Variants in MRE11 observed in about 807,000 individuals in gnomAD.
The protein encoded by MRE11 is MRE11 double strand break repair nuclease, also known as double-strand break repair protein MRE11.
Under a neutral mutation model 91.7 loss-of-function variants are expected in MRE11, and 62 were observed. That is an observed-to-expected ratio of 0.68 (90% CI 0.55 to 0.84). The LOEUF (loss-of-function observed/expected upper bound fraction) is 0.84. Ranked by LOEUF, MRE11 falls within the 40% of genes least tolerant of loss-of-function variation. The probability of loss-of-function intolerance (pLI) is 0.00; values close to 1 mark genes in which losing one functional copy is unlikely to be tolerated. For synonymous variants in MRE11, 273 were observed against 271.4 expected (o/e 1.01, Z -0.06); for missense variants, 796 against 852.9 (o/e 0.93, Z 0.83).
At chr11:94,460,466 C>A (rs1208524175) in intron 12 of MRE11, among the ~76,000 whole-genome samples, 2 of 152,114 alleles carry the variant, frequency 1.3e-5, no homozygotes, top group Non-Finnish European at 2.9e-5. Flanking sequence ...GGATTGAGAT[C>A]TTTGTAACAG....
chr11:94,441,726 C>CTTTGGG (rs1945782736), intron 16 of MRE11, among the ~76,000 whole-genome samples: 1 of 152,044 alleles, frequency 6.6e-6, no homozygotes, highest in Non-Finnish European at 1.5e-5. Flanking sequence ...CCTGTAATCC[C>CTTTGGG]AGCACTTTGG....
intron 14 of MRE11, among the ~76,000 whole-genome samples, chr11:94,450,160 C>T (rs972763832): frequency 1.1e-3 from 160 of 152,276 alleles, no homozygotes; most frequent in African/African-American, 3.6e-3. Context: ...ATGTTAAATA[C>T]AGTATCTTTA....
intron 14 of MRE11, among the ~76,000 whole-genome samples, chr11:94,453,653 A>G (rs1946172897): frequency 6.6e-6 from 1 of 152,178 alleles, no homozygotes. Context: ...CCATTGTAAA[A>G]ATTGGGTTTT....
At chr11:94,502,841 T>C in the MRE11 span, among the ~76,000 whole-genome samples, 3 of 152,058 alleles carry the variant, frequency 2.0e-5, no homozygotes, top group African/African-American at 4.8e-5. Flanking sequence ...GCCCAGCTAA[T>C]TTTTTATGTT....
intron 3 of MRE11, among the ~76,000 whole-genome samples, chr11:94,489,409 T>A (rs1034082946): frequency 1.3e-5 from 2 of 152,092 alleles, no homozygotes; most frequent in Admixed American, 6.6e-5. Flanking sequence ...GTAGTTTGAA[T>A]TTTATACTAG....
chr11:94,493,051 T>A (rs1947332593), intron 1 of MRE11, 145 bp from the exon 2 acceptor site: 2 of 533,068 alleles, frequency 3.8e-6, no homozygotes, highest in Non-Finnish European at 6.6e-6. Context: ...CCCACTATAC[T>A]TTTTTTTAAT....
intron 11 of MRE11, among the ~76,000 whole-genome samples, chr11:94,463,276 A>G (rs557102457): frequency 2.0e-5 from 3 of 152,252 alleles, no homozygotes; most frequent in East Asian, 1.9e-4. Context: ...AAAAGTCAGG[A>G]AACAACAGGT....
chr11:94,469,308 A>T (rs548287206), intron 9 of MRE11, among the ~76,000 whole-genome samples: 12 of 152,240 alleles, frequency 7.9e-5, no homozygotes, highest in Admixed American at 7.9e-4. Context: ...AAGGGGTACT[A>T]CTGGCATCTA....
chr11:94,436,134 G>C (rs1945604996), intron 17 of MRE11, among the ~76,000 whole-genome samples: 1 of 152,140 alleles, frequency 6.6e-6, no homozygotes, highest in Non-Finnish European at 1.5e-5. Context: ...AGGAGCCTGA[G>C]CACCTAAGGG....
chr11:94,505,616 T>C, the MRE11 span, among the ~76,000 whole-genome samples: 1 of 152,214 alleles, frequency 6.6e-6, no homozygotes, highest in Non-Finnish European at 1.5e-5. Flanking sequence ...GACAGTAAGC[T>C]AAAGGTAATT....
upstream of MRE11, chr11:94,496,596 GT>G: frequency 8.8e-7 from 1 of 1,141,490 alleles, no homozygotes; most frequent in Non-Finnish European, 1.2e-6. Flanking sequence ...TTGTATTTGT[GT>G]TTTCAGATCT....
At chr11:94,442,640 C>T (rs921168832) in intron 16 of MRE11, among the ~76,000 whole-genome samples, 5 of 152,122 alleles carry the variant, frequency 3.3e-5, no homozygotes, top group African/African-American at 9.6e-5. Flanking sequence ...TTTCTATGTT[C>T]CTGTTTTCTC....
chr11:94,511,649 T>A, the MRE11 span, among the ~76,000 whole-genome samples: 14 of 152,324 alleles, frequency 9.2e-5, no homozygotes, highest in South Asian at 2.5e-3. Context: ...ATTAAAAGTG[T>A]TTGGCTCTGG....
chr11:94,488,160 T>A (rs1353024777), intron 3 of MRE11, among the ~76,000 whole-genome samples: 1 of 152,200 alleles, frequency 6.6e-6, no homozygotes, highest in Non-Finnish European at 1.5e-5. Context: ...GAGAAGATTC[T>A]GTTTTAGGGC....
intron 6 of MRE11, among the ~76,000 whole-genome samples, chr11:94,478,086 G>T (rs750590637): frequency 6.6e-6 from 1 of 152,142 alleles, no homozygotes; most frequent in Non-Finnish European, 1.5e-5. Context: ...GTTAAGGAAG[G>T]TATAATAGAA....
intron 19 of MRE11, among the ~76,000 whole-genome samples, chr11:94,428,167 C>T (rs1034347305): frequency 6.6e-6 from 1 of 152,142 alleles, no homozygotes; most frequent in Non-Finnish European, 1.5e-5. Context: ...GTAACCAAAA[C>T]AATATGGTAC....
At chr11:94,437,358 A>G in intron 16 of MRE11, 123 bp from the exon 17 acceptor site, 1 of 798,450 alleles carries the variant, frequency 1.3e-6, no homozygotes, top group Non-Finnish European at 2.0e-6. Context: ...GCCTAATTAT[A>G]AAACTATTTG....
chr11:94,492,526 C>T, intron 2 of MRE11: 1 of 641,348 alleles, frequency 1.6e-6, no homozygotes. Context: ...TAAGATGAAG[C>T]CTAAGAACAT....
the MRE11 span, among the ~76,000 whole-genome samples, chr11:94,505,092 T>C: frequency 6.6e-6 from 1 of 152,226 alleles, no homozygotes; most frequent in Admixed American, 6.5e-5. Context: ...CTGCCAGTCA[T>C]GTTTACATAC....
Sources: allele counts gnomAD v4.1 joint callset (sites outside exome capture counted in the v4.1 genomes callset), GRCh38; gene constraint gnomAD v4.1.1; transcripts MANE v1.5; gene names NCBI Gene and HGNC (gene_info 2026-07-23, HGNC 2026-07-21).